WDR70: variants seen among roughly 807,000 people sequenced by gnomAD.
The protein encoded by WDR70 is WD repeat domain 70.
WDR70 carries 53 observed loss-of-function variants against 88.6 expected under a neutral mutation model. The ratio of observed to expected loss-of-function variants is 0.60; its 90% CI spans 0.48 to 0.75. The LOEUF (loss-of-function observed/expected upper bound fraction) is 0.75, where lower values mean the gene tolerates loss of function less well. Ranked by LOEUF, WDR70 falls within the 30% of genes least tolerant of loss-of-function variation. The pLI is 0.00. For synonymous variants in WDR70, 280 were observed against 270.0 expected (o/e 1.04, Z -0.36); for missense variants, 610 against 823.2 (o/e 0.74, Z 3.17).
chr5:37,482,568 CAT>C (rs1003591793), intron 8 of WDR70, among the ~76,000 whole-genome samples: 4 of 152,226 alleles, frequency 2.6e-5, no homozygotes, highest in African/African-American at 7.2e-5. Context: ...CCACCCTTGA[CAT>C]GTGGGAATTA....
intron 7 of WDR70, among the ~76,000 whole-genome samples, chr5:37,477,598 A>G (rs1312671124): frequency 6.6e-6 from 1 of 152,126 alleles, no homozygotes; most frequent in Non-Finnish European, 1.5e-5. Context: ...TTACAAGCCT[A>G]TTGTGTTAAC....
intron 10 of WDR70, among the ~76,000 whole-genome samples, chr5:37,627,019 C>G (rs1328901925): frequency 6.6e-6 from 1 of 150,820 alleles, no homozygotes; most frequent in South Asian, 2.1e-4. Context: ...TTCTTTTTTT[C>G]TGAGTTTCAC....
At chr5:37,563,812 T>G (rs1279562530) in intron 9 of WDR70, among the ~76,000 whole-genome samples, 111 of 83,836 alleles carry the variant, frequency 1.3e-3, no homozygotes, top group Admixed American at 1.6e-3. Flanking sequence ...TCTCAGACGG[T>G]GTGGCTGCCG....
intron 9 of WDR70, among the ~76,000 whole-genome samples, chr5:37,585,305 T>G (rs775593086): frequency 2.0e-5 from 3 of 152,118 alleles, no homozygotes; most frequent in Non-Finnish European, 4.4e-5. Flanking sequence ...GTCCATTTTT[T>G]AAGGCCAAAT....
chr5:37,750,498 C>A (rs540239772), intron 17 of WDR70, among the ~76,000 whole-genome samples: 35 of 152,322 alleles, frequency 2.3e-4, no homozygotes, highest in African/African-American at 8.4e-4. Flanking sequence ...TGTGCCACTG[C>A]ACTCTAGCCT....
intron 7 of WDR70, among the ~76,000 whole-genome samples, chr5:37,474,799 C>T (rs1739428140): frequency 6.6e-6 from 1 of 152,206 alleles, no homozygotes; most frequent in Non-Finnish European, 1.5e-5. Flanking sequence ...TCCCATCATT[C>T]AGCTCCCACT....
intron 17 of WDR70, among the ~76,000 whole-genome samples, chr5:37,741,587 T>C (rs188533063): frequency 2.0e-4 from 31 of 152,248 alleles, no homozygotes; most frequent in Middle Eastern, 3.4e-3. Flanking sequence ...CAGTTCACAA[T>C]AGGGTTTGTG....
chr5:37,528,814 T>G (rs1163561559), intron 9 of WDR70, among the ~76,000 whole-genome samples: 2 of 152,162 alleles, frequency 1.3e-5, no homozygotes, highest in Non-Finnish European at 2.9e-5. Context: ...GGTTTTTAGT[T>G]TAATTGAGTC....
At chr5:37,551,240 G>T (rs1383232304) in intron 9 of WDR70, among the ~76,000 whole-genome samples, 1 of 151,858 alleles carries the variant, frequency 6.6e-6, no homozygotes, top group Non-Finnish European at 1.5e-5. Flanking sequence ...GGGAGGCAGA[G>T]GTTGCGGTGA....
chr5:37,752,469 T>C lies in WDR70; in HGVS notation c.1878-17T>C. 6.3e-7 allele frequency: 1 copy of C among 1,594,800 alleles called. No individual in the cohort carries two copies. Among genetic ancestry groups the C allele is most frequent in the East Asian group, 2.2e-5 (1 of 44,638 alleles). On this transcript the variant is annotated splice_polypyrimidine_tract_variant and intron_variant, in intron 17 of 17. Transcript: ENST00000265107. ...TCTGACTAAATTTTTCCTTCTCTTC[T>C]TTAACTTTTCTTTTAGGACTCAGCC...
intron 9 of WDR70, among the ~76,000 whole-genome samples, chr5:37,530,768 C>CT (rs1362959645): frequency 6.6e-5 from 8 of 121,892 alleles, no homozygotes; most frequent in Middle Eastern, 7.6e-3. Context: ...TTTCATTTAT[C>CT]TTTTGTTTTT....
intron 8 of WDR70, among the ~76,000 whole-genome samples, chr5:37,510,403 TC>T (rs1278580427): frequency 6.6e-6 from 1 of 152,186 alleles, no homozygotes; most frequent in Non-Finnish European, 1.5e-5. Context: ...AACGTCATGC[TC>T]TTTTACTCCT....
chr5:37,737,126 A>C (rs913801578), intron 17 of WDR70, among the ~76,000 whole-genome samples: 1 of 152,176 alleles, frequency 6.6e-6, no homozygotes, highest in African/African-American at 2.4e-5. Context: ...AAAGCAAGGT[A>C]TATAATAATA....
intron 10 of WDR70, among the ~76,000 whole-genome samples, chr5:37,648,425 A>G (rs767009010): frequency 1.3e-4 from 20 of 152,086 alleles, no homozygotes; most frequent in Non-Finnish European, 2.8e-4. Context: ...CCAGTCCACT[A>G]TAAAGAGTGA....
chr5:37,405,021 G>T (rs1401031073), intron 5 of WDR70, among the ~76,000 whole-genome samples: 2 of 152,078 alleles, frequency 1.3e-5, no homozygotes, highest in Non-Finnish European at 2.9e-5. Flanking sequence ...TTTATGTTAG[G>T]CTTCCTCAGA....
chr5:37,436,770 A>G lies in WDR70; in HGVS notation c.493-1152A>G, dbSNP rs547758523. ...TTTTAGGGGAAGTCAGTAGTCTTTT[A>G]GTTTTTGTTTTTTTACTATGGTAAG... On this transcript the variant is annotated intron_variant, in intron 5 of 17. Transcript: ENST00000265107. 1.4e-4 allele frequency among the ~76,000 whole-genome samples: 21 copies of G among 152,258 alleles called. No homozygotes were observed. In the South Asian group the frequency reaches 2.7e-3, roughly 20 times the overall value.
intron 9 of WDR70, among the ~76,000 whole-genome samples, chr5:37,542,117 G>T (rs1177097936): frequency 6.6e-6 from 1 of 152,100 alleles, no homozygotes; most frequent in Non-Finnish European, 1.5e-5. Flanking sequence ...GGCTCTCAGT[G>T]ATATACCATC....
chr5:37,430,827 T>C (rs1750279724), intron 5 of WDR70, among the ~76,000 whole-genome samples: 2 of 152,048 alleles, frequency 1.3e-5, no homozygotes, highest in Non-Finnish European at 2.9e-5. Flanking sequence ...TCCCAACTGC[T>C]GGGATTACAG....
chr5:37,621,490 A>G (rs1431359018), intron 10 of WDR70, among the ~76,000 whole-genome samples: 1 of 152,124 alleles, frequency 6.6e-6, no homozygotes, highest in African/African-American at 2.4e-5. Flanking sequence ...TATAAAAGAC[A>G]CATTCTCATG....
Sources: gnomAD v4.1 joint callset for allele counts (sites outside exome capture counted in the v4.1 genomes callset) on GRCh38, gnomAD v4.1.1 for gene constraint, MANE v1.5 for transcripts, NCBI Gene and HGNC (gene_info 2026-07-23, HGNC 2026-07-21) for gene names.